The following TMEM156 variants were observed in gnomAD, a reference collection of about 807,000 sequenced individuals.
The protein encoded by TMEM156 is transmembrane protein 156.
Under a neutral mutation model 30.5 loss-of-function variants are expected in TMEM156, and 28 were observed. The ratio of observed to expected loss-of-function variants is 0.92; its 90% confidence interval spans 0.68 to 1.26. TMEM156 has a LOEUF of 1.26. Among genes scored for constraint, TMEM156 ranks in the 50% most tolerant of loss-of-function variants. The pLI, the probability that TMEM156 is intolerant of heterozygous loss-of-function variation, is 0.00. For synonymous variants in TMEM156, 137 were observed against 119.9 expected, an observed-to-expected ratio of 1.14 and a Z score of -0.93; for missense variants, 351 against 340.6, an observed-to-expected ratio of 1.03 and a Z score of -0.24.
Position 39,000,563 on chromosome 4 carries a change from T to C in TMEM156, c.89-1654A>G, listed in dbSNP as rs530215445. ...TTGTATAGTACATATGAAAACACTT[T>C]TGAAATTTGTACAAATATATGTCAT... On this transcript the variant is annotated intron_variant, in intron 1 of 6. Coordinates refer to ENST00000381938, the MANE Select transcript of TMEM156 (RefSeq NM_024943.3). Among the ~76,000 whole-genome samples the C allele has an allele frequency of 3.9e-5, 6 of 152,266 alleles. No homozygotes were observed. In the East Asian group the frequency reaches 9.6e-4, roughly 24 times the overall value.
chr4:38,985,775 C>T (rs1051512270), intron 5 of TMEM156, among the ~76,000 whole-genome samples: 1 of 152,198 alleles, frequency 6.6e-6, no homozygotes, highest in Admixed American at 6.5e-5. Context: ...CGTGATTTGA[C>T]AGCTTGAATC....
chr4:38,987,528 C>T (rs1048962219), intron 4 of TMEM156, among the ~76,000 whole-genome samples: 5 of 152,200 alleles, frequency 3.3e-5, no homozygotes, highest in African/African-American at 9.7e-5. Context: ...TGAATTGCAA[C>T]TTTACTGAAA....
chr4:39,024,561 A>G (rs1287639085), intron 1 of TMEM156, among the ~76,000 whole-genome samples: 1 of 152,248 alleles, frequency 6.6e-6, no homozygotes, highest in Non-Finnish European at 1.5e-5. Context: ...TATCCTTAGC[A>G]AAATAACACA....
At chr4:39,030,585 G>T (rs930935873) in intron 1 of TMEM156, among the ~76,000 whole-genome samples, 1 of 152,172 alleles carries the variant, frequency 6.6e-6, no homozygotes, top group African/African-American at 2.4e-5. Context: ...CTACATGTCT[G>T]CCCCAAAATG....
At chr4:38,971,214 G>T in intron 5 of TMEM156, 77 bp from the exon 6 acceptor site, 2 of 1,362,584 alleles carry the variant, frequency 1.5e-6, no homozygotes, top group Non-Finnish European at 2.1e-6. Flanking sequence ...AATGTAGTAA[G>T]AGTAGCAAGA....
chr4:39,000,674 G>C (rs1577551327), intron 1 of TMEM156, among the ~76,000 whole-genome samples: 1 of 152,118 alleles, frequency 6.6e-6, no homozygotes, highest in Admixed American at 6.5e-5. Context: ...ATCACTTGAG[G>C]TCAGGAGTTC....
intron 5 of TMEM156, among the ~76,000 whole-genome samples, chr4:38,981,772 T>G (rs1341758335): frequency 1.3e-5 from 2 of 152,210 alleles, no homozygotes; most frequent in Non-Finnish European, 2.9e-5. Context: ...AATGAGATAT[T>G]AGTTTCCCTT....
At chr4:38,979,630 C>T (rs529918353) in intron 5 of TMEM156, among the ~76,000 whole-genome samples, 3 of 152,336 alleles carry the variant, frequency 2.0e-5, no homozygotes, top group East Asian at 3.9e-4. Context: ...CTAGCTCCTT[C>T]TTTTCTCCAT....
intron 5 of TMEM156, among the ~76,000 whole-genome samples, chr4:38,974,175 C>T (rs898833303): frequency 6.7e-6 from 1 of 148,518 alleles, no homozygotes; most frequent in Non-Finnish European, 1.5e-5. Context: ...TAAGATTTCT[C>T]AATGATTTAT....
intron 1 of TMEM156, among the ~76,000 whole-genome samples, chr4:39,002,476 C>T (rs1713435593): frequency 1.5e-5 from 2 of 129,388 alleles, no homozygotes; most frequent in Non-Finnish European, 1.7e-5. Flanking sequence ...GTCAGTGCGG[C>T]GATTCCTCAG....
chr4:39,013,165 G>A (rs1009321436), intron 1 of TMEM156, among the ~76,000 whole-genome samples: 20 of 151,546 alleles, frequency 1.3e-4, no homozygotes, highest in Non-Finnish European at 2.8e-4. Context: ...GCCGGGCATG[G>A]TGGCACATGC....
At chr4:38,999,120 T>A (rs142882111) in intron 1 of TMEM156, among the ~76,000 whole-genome samples, 27,896 of 133,388 alleles carry the variant, frequency 0.21, 2,546 homozygotes, top group East Asian at 0.31. Flanking sequence ...ATTTTTTTTT[T>A]TTTTTTTTTT....
intron 5 of TMEM156, among the ~76,000 whole-genome samples, chr4:38,977,549 C>G (rs759542548): frequency 2.0e-5 from 3 of 152,148 alleles, no homozygotes; most frequent in African/African-American, 7.2e-5. Flanking sequence ...TTCAGAATAG[C>G]TAAAACGGGT....
intron 3 of TMEM156, among the ~76,000 whole-genome samples, chr4:38,991,774 A>C (rs1029915894): frequency 2.0e-5 from 3 of 152,172 alleles, no homozygotes; most frequent in Non-Finnish European, 4.4e-5. Context: ...ATACAAATGT[A>C]CATTGAAAAA....
At chr4:39,005,385 C>T (rs560228472) in intron 1 of TMEM156, among the ~76,000 whole-genome samples, 3 of 152,208 alleles carry the variant, frequency 2.0e-5, no homozygotes, top group African/African-American at 7.2e-5. Context: ...TTTATAAGAG[C>T]CTCTTCCCTC....
At chr4:38,990,959 G>A (rs28736397) in intron 3 of TMEM156, among the ~76,000 whole-genome samples, 77,742 of 145,736 alleles carry the variant, frequency 0.53, 20,739 homozygotes, top group East Asian at 0.72. Flanking sequence ...TCAGCCTCCC[G>A]AGTAGCTGGG....
At chr4:38,968,096 T>C (rs1722428261) in intron 6 of TMEM156, among the ~76,000 whole-genome samples, 1 of 152,170 alleles carries the variant, frequency 6.6e-6, no homozygotes, top group Non-Finnish European at 1.5e-5. Context: ...CACCCCCCAT[T>C]ATATCCCTAA....
intron 1 of TMEM156, among the ~76,000 whole-genome samples, chr4:39,025,084 C>G (rs1715113121): frequency 1.3e-5 from 2 of 152,184 alleles, no homozygotes; most frequent in African/African-American, 2.4e-5. Context: ...TGCGGTGGCT[C>G]ATGCCTGTAA....
At chr4:38,975,772 C>T (rs1381778159) in intron 5 of TMEM156, among the ~76,000 whole-genome samples, 2 of 152,132 alleles carry the variant, frequency 1.3e-5, no homozygotes, top group African/African-American at 4.8e-5. Context: ...ATTATAATCT[C>T]CTCTCCTTGA....
Sources: gnomAD v4.1 joint callset for allele counts (sites outside exome capture counted in the v4.1 genomes callset) on GRCh38, gnomAD v4.1.1 for gene constraint, MANE v1.5 for transcripts, NCBI Gene and HGNC (gene_info 2026-07-23, HGNC 2026-07-21) for gene names.